The following EED variants were observed in gnomAD, a reference collection of about 807,000 sequenced individuals.
EED encodes the protein embryonic ectoderm development.
A neutral mutation model predicts 61.0 loss-of-function variants in EED; 9 were observed. The observed-to-expected ratio is 0.15, with a 90% CI of 0.09 to 0.26. The LOEUF is 0.26. EED is among the 10% of genes least tolerant of loss of function. The probability of loss-of-function intolerance (pLI) is 1.00; values close to 1 mark genes in which losing one functional copy is unlikely to be tolerated. For synonymous variants in EED, 187 were observed against 174.4 expected, an observed-to-expected ratio of 1.07 and a Z score of -0.57; for missense variants, 315 against 542.3, an observed-to-expected ratio of 0.58 and a Z score of 4.16.
intron 10 of EED, 181 bp from the exon 11 acceptor site, chr11:86,277,737 T>G: frequency 2.5e-6 from 1 of 402,458 alleles, no homozygotes; most frequent in Admixed American, 4.6e-5. Flanking sequence ...ACACTTGTGA[T>G]GTATTAATTG....
At chr11:86,276,872 A>G (rs970956114) in intron 9 of EED, 108 bp from the exon 10 acceptor site, 75 of 949,208 alleles carry the variant, frequency 7.9e-5, no homozygotes, top group Non-Finnish European at 1.1e-4. Flanking sequence ...TGGATTAACC[A>G]GGTTCTAAGA....
intron 8 of EED, among the ~76,000 whole-genome samples, chr11:86,267,727 A>G (rs950177352): frequency 6.7e-6 from 1 of 149,854 alleles, no homozygotes; most frequent in East Asian, 2.0e-4. Flanking sequence ...CAGCCTCCCA[A>G]GTAGCTGGAT....
chr11:86,283,164 G>A (rs1946342145), downstream of EED, among the ~76,000 whole-genome samples: 1 of 138,514 alleles, frequency 7.2e-6, no homozygotes, highest in Admixed American at 7.1e-5. Context: ...AAGTCTTAAG[G>A]AGGCCCCTAA....
chr11:86,268,950 G>A (rs563372940), intron 9 of EED, among the ~76,000 whole-genome samples: 2 of 152,212 alleles, frequency 1.3e-5, no homozygotes, highest in Admixed American at 1.3e-4. Context: ...GCTGGAGTTG[G>A]CTTATGGGCT....
chr11:86,264,282 G>A lies in EED; in HGVS notation c.726+19G>A, dbSNP rs763050365. The A allele has an allele frequency of 8.9e-6, 14 of 1,581,816 alleles. No homozygotes were observed. The African/African-American group carries it at 1.6e-4, about 18-fold the overall frequency. On this transcript the variant is annotated intron_variant, in intron 7 of 11. Coordinates refer to ENST00000263360, the MANE Select transcript of EED (RefSeq NM_003797.5). ...AAGTGCTGTAAGTTGGAAACTGCAG[G>A]GCAATGACTTTCAGGTTTACATAGC...
At chr11:86,268,600 T>TGTGTGC (rs542965329) in intron 9 of EED, 39 bp downstream of exon 9, 1 of 986,058 alleles carries the variant, frequency 1.0e-6, no homozygotes, top group African/African-American at 1.7e-5. Context: ...CCATCGTGTG[T>TGTGTGC]GTGTGTGTGT....
the EED span, among the ~76,000 whole-genome samples, chr11:86,286,876 G>A: frequency 6.7e-6 from 1 of 150,206 alleles, no homozygotes; most frequent in South Asian, 2.1e-4. Context: ...GGAGGCTGAG[G>A]CAGGAGAATG....
At chr11:86,270,042 G>A (rs1462258276) in intron 9 of EED, 3 of 673,874 alleles carry the variant, frequency 4.5e-6, no homozygotes, top group Non-Finnish European at 8.1e-6. Flanking sequence ...TTGTGGTTAA[G>A]TTTGTTTAGT....
chr11:86,274,755 T>C (rs1330242511), intron 9 of EED, among the ~76,000 whole-genome samples: 2 of 152,196 alleles, frequency 1.3e-5, no homozygotes, highest in Admixed American at 1.3e-4. Flanking sequence ...TGAATGGTTA[T>C]GAATGTCCTA....
chr11:86,254,048 CAAAAAAAAAAA>C (rs201298345), intron 3 of EED, among the ~76,000 whole-genome samples: 6 of 56,314 alleles, frequency 1.1e-4, no homozygotes, highest in Admixed American at 2.9e-4. Flanking sequence ...AACTCTGTCT[CAAAAAAAAAAA>C]AAAAAAAAAA....
At chr11:86,267,098 A>T (rs1001570682) in intron 8 of EED, among the ~76,000 whole-genome samples, 4 of 152,188 alleles carry the variant, frequency 2.6e-5, no homozygotes, top group Non-Finnish European at 5.9e-5. Context: ...TATTTTCTAG[A>T]TATCTGGAAT....
At chr11:86,285,552 A>T in the EED span, among the ~76,000 whole-genome samples, 5,029 of 152,340 alleles carry the variant, frequency 0.033, 265 homozygotes, top group African/African-American at 0.11. Context: ...TAAGTAAAGT[A>T]AAATTGTTAG....
chr11:86,280,031 T>C (rs377011948), downstream of EED, among the ~76,000 whole-genome samples: 1 of 152,334 alleles, frequency 6.6e-6, no homozygotes, highest in Admixed American at 6.5e-5. Context: ...TGGGTGAGAA[T>C]ATCATCTTTC....
At position 86,245,219 on chromosome 11, in the gene EED, G is replaced by C. The variant is rs766635034; in HGVS notation, c.-11G>C. The C allele has an allele frequency of 6.2e-7, 1 of 1,610,374 alleles. No homozygotes were observed. Among genetic ancestry groups the C allele is most frequent in the Admixed American group, 1.7e-5 (1 of 59,684 alleles). On this transcript the variant is annotated 5_prime_UTR_variant, in exon 1 of 12. Transcript: ENST00000263360. ...CCCAGGCGGCAGGAACCTGGAGGGAGGCGGAGGAATATGTCCGAGAGGGAA... is the reference window on the plus strand; with the variant it reads ...CCCAGGCGGCAGGAACCTGGAGGGACGCGGAGGAATATGTCCGAGAGGGAA...
chr11:86,260,358 C>G (rs760324255), intron 6 of EED, among the ~76,000 whole-genome samples: 1 of 151,976 alleles, frequency 6.6e-6, no homozygotes, highest in Non-Finnish European at 1.5e-5. Flanking sequence ...TTCTGAGTAG[C>G]TGGGACTACA....
At chr11:86,259,341 T>C (rs910575042) in intron 6 of EED, among the ~76,000 whole-genome samples, 2 of 151,460 alleles carry the variant, frequency 1.3e-5, no homozygotes, top group African/African-American at 4.8e-5. Context: ...TAAAGGACTT[T>C]GATTTTTATT....
At chr11:86,279,408 A>T (rs923087516), downstream of EED, among the ~76,000 whole-genome samples, 1 of 152,196 alleles carries the variant, frequency 6.6e-6, no homozygotes, top group Non-Finnish European at 1.5e-5. Flanking sequence ...AAGAGGGATT[A>T]AGTAGATTGA....
At chr11:86,264,047 G>A in intron 6 of EED, 125 bp from the exon 7 acceptor site, 1 of 669,436 alleles carries the variant, frequency 1.5e-6, no homozygotes, top group South Asian at 2.0e-5. Context: ...ATGTAATATG[G>A]ATTCCATTTT....
intron 3 of EED, among the ~76,000 whole-genome samples, chr11:86,252,576 G>GC (rs1444029884): frequency 6.7e-5 from 10 of 149,888 alleles, no homozygotes; most frequent in Non-Finnish European, 1.0e-4. Context: ...CATTCAAATA[G>GC]CGTAAGAACT....
Sources: allele counts gnomAD v4.1 joint callset (sites outside exome capture counted in the v4.1 genomes callset), GRCh38; gene constraint gnomAD v4.1.1; transcripts MANE v1.5; gene names NCBI Gene and HGNC (gene_info 2026-07-23, HGNC 2026-07-21).